Variants in KLRF1 observed in about 807,000 individuals in gnomAD.
KLRF1 encodes the protein killer cell lectin like receptor F1.
In KLRF1, 27 loss-of-function variants were observed where a neutral mutation model predicts 30.7. The observed-to-expected ratio is 0.88, with a 90% CI of 0.65 to 1.21. The LOEUF (loss-of-function observed/expected upper bound fraction) is 1.21, where lower values mean the gene tolerates loss of function less well. Among genes scored for constraint, KLRF1 ranks in the 50% most tolerant of loss-of-function variants. The pLI, the probability that KLRF1 is intolerant of heterozygous loss-of-function variation, is 0.00. For missense variants in KLRF1, 246 were observed against 259.3 expected (o/e 0.95, Z 0.35); for synonymous variants, 92 against 89.3 (o/e 1.03, Z -0.17).
chr12:9,827,798 T>A (rs774800177), intron 1 of KLRF1, among the ~76,000 whole-genome samples, 169 bp downstream of exon 1: 4 of 152,292 alleles, frequency 2.6e-5, no homozygotes, highest in Admixed American at 6.5e-5. Context: ...GATTTAAAAA[T>A]AACAACCTCT....
chr12:9,840,284 G>T (rs746698560), intron 3 of KLRF1, among the ~76,000 whole-genome samples: 1 of 152,088 alleles, frequency 6.6e-6, no homozygotes, highest in Non-Finnish European at 1.5e-5. Context: ...GTACAACATT[G>T]TGGGTGTATT....
chr12:9,841,832 C>G lies in KLRF1; in HGVS notation c.355C>G (p.Leu119Val), dbSNP rs759503873. 1.9e-6 allele frequency: 3 copies of G among 1,607,500 alleles called. No homozygotes were observed. Among genetic ancestry groups the G allele is most frequent in the Middle Eastern group, 1.7e-4 (1 of 6,006 alleles). Residue 119 changes from leucine to valine, a missense_variant, in exon 4 of 6, where the codon CTC becomes GTC. Transcript: ENST00000617889. ...DQTVLCQSEWLKYQGKCYWFS... is the reference protein window; with the variant it reads ...DQTVLCQSEWVKYQGKCYWFS... ...TGTAGTACTATGCCAATCAGAATGGCTCAAATACCAAGGGAAGTGTTATTG... is the reference window on the plus strand; with the variant it reads ...TGTAGTACTATGCCAATCAGAATGGGTCAAATACCAAGGGAAGTGTTATTG...
At chr12:9,843,243 C>T (rs946805534) in intron 5 of KLRF1, among the ~76,000 whole-genome samples, 8 of 152,104 alleles carry the variant, frequency 5.3e-5, no homozygotes, top group Non-Finnish European at 7.4e-5. Flanking sequence ...CAGGTGGCCT[C>T]GGATTCCTGC....
chr12:9,824,698 TTATA>T (rs962834503), upstream of KLRF1, among the ~76,000 whole-genome samples: 1 of 152,140 alleles, frequency 6.6e-6, no homozygotes, highest in Non-Finnish European at 1.5e-5. Flanking sequence ...GACCATATGA[TTATA>T]TACCTAGAAA....
upstream of KLRF1, among the ~76,000 whole-genome samples, chr12:9,823,046 A>G (rs1867244566): frequency 6.6e-6 from 1 of 152,134 alleles, no homozygotes; most frequent in Non-Finnish European, 1.5e-5. Flanking sequence ...CAGGTCATCA[A>G]GGGAGCAAAT....
At chr12:9,833,169 A>T in intron 2 of KLRF1, 134 bp from the exon 3 acceptor site, 1 of 552,452 alleles carries the variant, frequency 1.8e-6, no homozygotes, top group Non-Finnish European at 3.0e-6. Flanking sequence ...GTAGACATGA[A>T]AATTTTAAAA....
chr12:9,827,390 A>C (rs1867303876), upstream of KLRF1: 2 of 410,498 alleles, frequency 4.9e-6, no homozygotes, highest in East Asian at 3.7e-5. Context: ...AGGTTTTCAC[A>C]AATAAGTGAA....
the KLRF1 span, among the ~76,000 whole-genome samples, chr12:9,819,618 A>G: frequency 4.6e-4 from 70 of 152,084 alleles, 1 homozygote; most frequent in Admixed American, 7.2e-4. Flanking sequence ...CACCTCCACA[A>G]GTGTTTTTGA....
intron 1 of KLRF1, 45 bp downstream of exon 1, chr12:9,827,674 G>T: frequency 1.8e-6 from 2 of 1,116,532 alleles, no homozygotes; most frequent in South Asian, 1.3e-5. Flanking sequence ...GAATTAACAT[G>T]GTAGTTTCCC....
At position 9,842,254 on chromosome 12, in the gene KLRF1, T is replaced by A. The variant is rs530204588; in HGVS notation, c.475-67T>A. 780 of 1,572,498 alleles carry A rather than the reference T, an allele frequency of 5.0e-4. 4 individuals are homozygous for A. Among genetic ancestry groups the A allele is most frequent in the Middle Eastern group, 4.1e-3 (24 of 5,886 alleles). ...GCAGAGTGCTTTTTTGCAATAACAT[T>A]TAAAATATTCAGTGTGTCTGAATTG... On this transcript the variant is annotated intron_variant, in intron 4 of 5. Transcript: ENST00000617889.
chr12:9,844,587 A>G lies in KLRF1; in HGVS notation c.*61A>G. ...CACTATTTTTGGCCTATTAGTTTCTAATATTAATCTCCAGGTGTAAGATTT... is the reference window on the plus strand; with the variant it reads ...CACTATTTTTGGCCTATTAGTTTCTGATATTAATCTCCAGGTGTAAGATTT... On this transcript the variant is annotated 3_prime_UTR_variant, in exon 6 of 6. Coordinates refer to ENST00000617889, the MANE Select transcript of KLRF1 (RefSeq NM_016523.3). 1.2e-6 allele frequency: 1 copy of G among 854,220 alleles called. No individual in the cohort carries two copies. The allele number at this position is 854,220 out of a possible 1,614,324, so 52.9% of individuals were successfully genotyped here.
the KLRF1 span, among the ~76,000 whole-genome samples, chr12:9,803,309 C>T: frequency 2.0e-5 from 3 of 152,052 alleles, no homozygotes; most frequent in African/African-American, 7.2e-5. Flanking sequence ...CAAAAATTAA[C>T]TCAAGATGGA....
At chr12:9,804,783 T>C in the KLRF1 span, among the ~76,000 whole-genome samples, 4 of 152,170 alleles carry the variant, frequency 2.6e-5, no homozygotes, top group Non-Finnish European at 4.4e-5. Context: ...TTTGTAGATG[T>C]TCTGTATCAG....
the KLRF1 span, among the ~76,000 whole-genome samples, chr12:9,809,355 T>C: frequency 2.6e-5 from 4 of 152,210 alleles, no homozygotes; most frequent in Non-Finnish European, 5.9e-5. Flanking sequence ...ATAATTTTTA[T>C]GTGATTGTTT....
chr12:9,843,848 A>G (rs769984828), intron 5 of KLRF1, among the ~76,000 whole-genome samples: 1 of 152,280 alleles, frequency 6.6e-6, no homozygotes, highest in African/African-American at 2.4e-5. Flanking sequence ...AACTTTTTCC[A>G]CAGGTCAAAC....
intron 2 of KLRF1, 138 bp downstream of exon 2, chr12:9,832,552 T>C: frequency 1.7e-6 from 1 of 605,108 alleles, no homozygotes; most frequent in African/African-American, 1.9e-5. Context: ...TAAAGCTCTA[T>C]TAGTACACTC....
chr12:9,840,172 C>A (rs1229121146), intron 3 of KLRF1, among the ~76,000 whole-genome samples: 1 of 152,030 alleles, frequency 6.6e-6, no homozygotes, highest in Non-Finnish European at 1.5e-5. Flanking sequence ...TGACATAAAG[C>A]AGGCTAGTGG....
At chr12:9,808,169 G>T in the KLRF1 span, among the ~76,000 whole-genome samples, 1 of 151,994 alleles carries the variant, frequency 6.6e-6, no homozygotes, top group Non-Finnish European at 1.5e-5. Flanking sequence ...AATTTAAATT[G>T]TGCAGTTTAA....
chr12:9,825,216 A>G (rs948965216), upstream of KLRF1, among the ~76,000 whole-genome samples: 2 of 151,922 alleles, frequency 1.3e-5, no homozygotes, highest in Non-Finnish European at 2.9e-5. Context: ...CCCAACTTCA[A>G]ATTATACTAC....
Sources: allele counts gnomAD v4.1 joint callset (sites outside exome capture counted in the v4.1 genomes callset), GRCh38; gene constraint gnomAD v4.1.1; transcripts MANE v1.5; gene names NCBI Gene and HGNC (gene_info 2026-07-23, HGNC 2026-07-21).